The following CAAP1 variants were observed in gnomAD, a reference collection of about 807,000 sequenced individuals.
CAAP1 encodes the protein conserved anti-apoptotic protein.
CAAP1 carries 20 observed loss-of-function variants against 34.0 expected under a neutral mutation model. The observed-to-expected ratio is 0.59, with a 90% CI of 0.41 to 0.86. CAAP1 has a LOEUF of 0.86. CAAP1 is among the 40% of genes least tolerant of loss of function. The probability of loss-of-function intolerance (pLI) is 0.00; values close to 1 mark genes in which losing one functional copy is unlikely to be tolerated. For synonymous variants in CAAP1, 213 were observed against 166.7 expected (o/e 1.28, Z -2.14); for missense variants, 538 against 450.5 (o/e 1.19, Z -1.76).
chr9:26,886,207 TA>T lies in CAAP1; in HGVS notation c.505-20del, dbSNP rs1347602126. 4 of 1,315,038 alleles carry T rather than the reference TA, an allele frequency of 3.0e-6. No individual in the cohort carries two copies. The highest frequency in any genetic ancestry group is 2.7e-5 in the Admixed American group (1 of 36,460). The allele number at this position is 1,315,038 out of a possible 1,614,324, so 81.5% of individuals were successfully genotyped here. ...AACAGTTCTAAAGGAAATGACATTTTAAAAAAATGCATTTATGTAACACAGC... is the reference window on the plus strand; with the variant it reads ...AACAGTTCTAAAGGAAATGACATTTTAAAAAATGCATTTATGTAACACAGC... On this transcript the variant is annotated intron_variant, in intron 2 of 5. Coordinates refer to ENST00000333916, the MANE Select transcript of CAAP1 (RefSeq NM_024828.4).
At position 26,843,046 on chromosome 9, in the gene CAAP1, C is replaced by T. The variant is rs374977830; in HGVS notation, c.740-399G>A. 5.3e-5 allele frequency among the ~76,000 whole-genome samples: 8 copies of T among 152,214 alleles called. No homozygotes were observed. The East Asian group carries it at 5.8e-4, about 11-fold the overall frequency. ...ACTATTCAAGCAGTAAAATTTCATT[C>T]TAGAAGGTGTTTAAATACTTTGCTT... On this transcript the variant is annotated intron_variant, in intron 5 of 5. Transcript: ENST00000333916.
chr9:26,875,100 T>C (rs1395979406), intron 4 of CAAP1, among the ~76,000 whole-genome samples: 2 of 152,320 alleles, frequency 1.3e-5, no homozygotes, highest in East Asian at 1.9e-4. Flanking sequence ...ATTTTACTGA[T>C]GTTATGTCTC....
intron 4 of CAAP1, among the ~76,000 whole-genome samples, chr9:26,866,992 G>A (rs1314093549): frequency 1.3e-5 from 2 of 152,076 alleles, no homozygotes; most frequent in Non-Finnish European, 1.5e-5. Context: ...TGGTGGGCAA[G>A]CAAGCATTAC....
chr9:26,863,773 A>T (rs12335882), intron 4 of CAAP1, among the ~76,000 whole-genome samples: 107 of 18,024 alleles, frequency 5.9e-3, no homozygotes, highest in African/African-American at 0.025. Flanking sequence ...CGTTTAAATT[A>T]AAAAAAAAAA....
intron 5 of CAAP1, among the ~76,000 whole-genome samples, chr9:26,856,229 G>A (rs1039126225): frequency 6.6e-6 from 1 of 151,998 alleles, no homozygotes; most frequent in African/African-American, 2.4e-5. Flanking sequence ...GACAGTTAAT[G>A]TACAAATATT....
intron 3 of CAAP1, 103 bp from the exon 4 acceptor site, chr9:26,884,988 G>T: frequency 2.5e-6 from 2 of 791,016 alleles, no homozygotes; most frequent in Admixed American, 2.4e-5. Flanking sequence ...GCAGATTAAA[G>T]AACTTTATAC....
chr9:26,846,415 C>CAAAAAAAAAAAAAA (rs761402354), intron 5 of CAAP1, among the ~76,000 whole-genome samples: 5 of 61,744 alleles, frequency 8.1e-5, no homozygotes, highest in East Asian at 6.1e-4. Flanking sequence ...GACTCTGTCT[C>CAAAAAAAAAAAAAA]AAAAAAAAAA....
chr9:26,886,769 A>C (rs1041792450), intron 2 of CAAP1, among the ~76,000 whole-genome samples: 3 of 152,244 alleles, frequency 2.0e-5, no homozygotes, highest in African/African-American at 7.2e-5. Flanking sequence ...CATTTAACAG[A>C]ATTATCTCCA....
At chr9:26,877,340 A>G (rs1011976508) in intron 4 of CAAP1, among the ~76,000 whole-genome samples, 1 of 152,208 alleles carries the variant, frequency 6.6e-6, no homozygotes, top group African/African-American at 2.4e-5. Context: ...AGCATTTCCA[A>G]TAAAGGATAC....
intron 4 of CAAP1, among the ~76,000 whole-genome samples, chr9:26,872,937 C>G (rs1450856082): frequency 1.3e-5 from 2 of 152,102 alleles, no homozygotes; most frequent in Non-Finnish European, 2.9e-5. Context: ...GCAGTAGTGG[C>G]TAGAAACAAC....
chr9:26,872,646 T>C (rs1318464390), intron 4 of CAAP1, among the ~76,000 whole-genome samples: 3 of 151,246 alleles, frequency 2.0e-5, no homozygotes, highest in Non-Finnish European at 2.9e-5. Context: ...AGCCTCAATG[T>C]CCTGGGCTCA....
chr9:26,870,864 G>A (rs980346327), intron 4 of CAAP1, among the ~76,000 whole-genome samples: 48 of 151,964 alleles, frequency 3.2e-4, no homozygotes, highest in African/African-American at 1.0e-3. Flanking sequence ...CGATCCACCC[G>A]CTTCGGCCCC....
chr9:26,844,674 GT>G (rs1822556280), intron 5 of CAAP1, among the ~76,000 whole-genome samples: 1 of 152,140 alleles, frequency 6.6e-6, no homozygotes, highest in Non-Finnish European at 1.5e-5. Context: ...GTGACGTTGT[GT>G]ACTTCCAGCA....
Position 26,861,104 on chromosome 9 carries a change from C to T in CAAP1, c.701G>A (p.Arg234Lys). 6.2e-7 allele frequency: 1 copy of T among 1,612,132 alleles called. No individual in the cohort carries two copies. Among genetic ancestry groups the T allele is most frequent in the South Asian group, 1.1e-5 (1 of 91,000 alleles). The change falls in exon 5 of 6, where the codon AGA (arginine) becomes AAA (lysine). Residue 234 changes from arginine to lysine, a missense_variant. By Grantham distance (26) the Arg-to-Lys change is conservative. Coordinates refer to ENST00000333916, the MANE Select transcript of CAAP1 (RefSeq NM_024828.4). The stretch of plus-strand genomic sequence containing the variant: ...CAAACCTTCAGGTTGCTTATTCTCT[C>T]TCACGGATGAAGCAGAATCTATACA... ...DICIDSASSV[R>K]ENKQPEGLEL...
intron 5 of CAAP1, among the ~76,000 whole-genome samples, chr9:26,846,442 A>C (rs1273352922): frequency 7.1e-6 from 1 of 141,744 alleles, no homozygotes; most frequent in African/African-American, 2.9e-5. Flanking sequence ...AAAAAAAAGA[A>C]GAAGAAAAAA....
chr9:26,884,974 T>A, intron 3 of CAAP1, 89 bp from the exon 4 acceptor site: 1 of 993,980 alleles, frequency 1.0e-6, no homozygotes, highest in Non-Finnish European at 1.5e-6. Context: ...TCTTTAAAAG[T>A]GATGCAGATT....
chr9:26,842,226 A>G lies in CAAP1; in HGVS notation c.*75T>C, dbSNP rs1173376938. On this transcript the variant is annotated 3_prime_UTR_variant, in exon 6 of 6. Coordinates refer to ENST00000333916, the MANE Select transcript of CAAP1 (RefSeq NM_024828.4). ...ATGAGAAATAACATATAAGACCCCAAATAAATTTTAGATACAAAATTAAAT... is the reference window on the plus strand; with the variant it reads ...ATGAGAAATAACATATAAGACCCCAGATAAATTTTAGATACAAAATTAAAT... 1 of 1,226,086 alleles carries G rather than the reference A, an allele frequency of 8.2e-7. No homozygotes were observed. The allele number at this position is 1,226,086 out of a possible 1,614,324, so 76.0% of individuals were successfully genotyped here.
intron 5 of CAAP1, among the ~76,000 whole-genome samples, chr9:26,846,426 AAAAAAAAAAAAAAG>A (rs1288158787): frequency 2.5e-5 from 3 of 121,084 alleles, no homozygotes; most frequent in Admixed American, 1.6e-4. Flanking sequence ...AAAAAAAAAA[AAAAAAAAAAAAAAG>A]AAGAAGAAAA....
At chr9:26,870,911 C>T (rs1823260416) in intron 4 of CAAP1, among the ~76,000 whole-genome samples, 1 of 152,080 alleles carries the variant, frequency 6.6e-6, no homozygotes, top group African/African-American at 2.4e-5. Flanking sequence ...GCCACCGCGC[C>T]CAGCCGCAGG....
Sources: gnomAD v4.1 joint callset for allele counts (sites outside exome capture counted in the v4.1 genomes callset) on GRCh38, gnomAD v4.1.1 for gene constraint, MANE v1.5 for transcripts, NCBI Gene and HGNC (gene_info 2026-07-23, HGNC 2026-07-21) for gene names.